Variants in ATP6V0A4 observed in about 807,000 individuals in gnomAD.
ATP6V0A4 encodes ATPase H+ transporting V0 subunit a4.
Under a neutral mutation model 107.3 loss-of-function variants are expected in ATP6V0A4, and 86 were observed. The observed-to-expected ratio is 0.80, with a 90% confidence interval of 0.67 to 0.96. ATP6V0A4 has a LOEUF of 0.96. ATP6V0A4 is among the 40% of genes least tolerant of loss of function. The probability of loss-of-function intolerance (pLI) is 0.00; values close to 1 mark genes in which losing one functional copy is unlikely to be tolerated. For synonymous variants in ATP6V0A4, 353 were observed against 381.4 expected, an observed-to-expected ratio of 0.93 and a Z score of 0.87; for missense variants, 908 against 1,045.6, an observed-to-expected ratio of 0.87 and a Z score of 1.81.
intron 14 of ATP6V0A4, among the ~76,000 whole-genome samples, chr7:138,740,662 G>A (rs879589153): frequency 1.2e-3 from 179 of 151,154 alleles, no homozygotes; most frequent in Non-Finnish European, 2.2e-3. Context: ...GGCTGGTCTC[G>A]AACTCCTGAC....
intron 1 of ATP6V0A4, among the ~76,000 whole-genome samples, chr7:138,789,968 C>CAAAAAAAAA (rs34413519): frequency 7.9e-6 from 1 of 126,746 alleles, no homozygotes; most frequent in Non-Finnish European, 1.7e-5. Flanking sequence ...GACTCTGTCT[C>CAAAAAAAAA]AAAAAAAAAA....
At position 138,768,554 on chromosome 7, in the gene ATP6V0A4, G is replaced by C. The variant is rs542357828; in HGVS notation, c.291+226C>G. On this transcript the variant is annotated intron_variant, in intron 5 of 21. Transcript: ENST00000310018. ...GTGGGCTAAGCTTCCCGAGGGCTATGCTGAGAAAGGAAAACAGCTGTCTCC... is the reference window on the plus strand; with the variant it reads ...GTGGGCTAAGCTTCCCGAGGGCTATCCTGAGAAAGGAAAACAGCTGTCTCC... 1.9e-4 allele frequency among the ~76,000 whole-genome samples: 29 copies of C among 152,318 alleles called. No individual in the cohort carries two copies. The South Asian group carries it at 6.0e-3, about 32-fold the overall frequency.
intron 20 of ATP6V0A4, among the ~76,000 whole-genome samples, chr7:138,710,301 C>A (rs932382558): frequency 6.7e-6 from 1 of 150,362 alleles, no homozygotes; most frequent in Non-Finnish European, 1.5e-5. Context: ...AAGCAATTCT[C>A]CTGCCTCAGC....
chr7:138,733,636 C>T (rs117504314), intron 16 of ATP6V0A4, among the ~76,000 whole-genome samples: 5,074 of 133,732 alleles, frequency 0.038, 231 homozygotes, highest in East Asian at 0.14. Context: ...TGGAGTGCAG[C>T]GATACAATCT....
At position 138,732,858 on chromosome 7, in the gene ATP6V0A4, A is replaced by G; in HGVS notation, c.1908+19T>C. On this transcript the variant is annotated intron_variant, in intron 17 of 21. Transcript: ENST00000310018. ...AAGTAAATAAAAGAAGAGTAAAAAA[A>G]AAAAAATAGCAGAAATACCTGATGT... The G allele has an allele frequency of 6.3e-7, 1 of 1,575,274 alleles. No homozygotes were observed. The highest frequency in any genetic ancestry group is 8.6e-7 in the Non-Finnish European group (1 of 1,159,644).
At chr7:138,759,711 G>A (rs376622135) in intron 8 of ATP6V0A4, 41 bp downstream of exon 8, 2 of 1,606,522 alleles carry the variant, frequency 1.2e-6, no homozygotes, top group Non-Finnish European at 1.7e-6. Flanking sequence ...TGAGGGCTAT[G>A]GGAAGTCTCA....
chr7:138,783,331 G>A (rs1440694845), intron 2 of ATP6V0A4, among the ~76,000 whole-genome samples: 2 of 152,030 alleles, frequency 1.3e-5, no homozygotes, highest in East Asian at 1.9e-4. Flanking sequence ...AGCACTATGG[G>A]GGACCGAGGT....
At chr7:138,707,227 T>TTC (rs1803460641) in intron 21 of ATP6V0A4, among the ~76,000 whole-genome samples, 1 of 81,794 alleles carries the variant, frequency 1.2e-5, no homozygotes, top group African/African-American at 5.7e-5. Flanking sequence ...ATAGAATATA[T>TTC]TATATAATAT....
intron 2 of ATP6V0A4, among the ~76,000 whole-genome samples, chr7:138,777,434 G>C (rs1195126788): frequency 2.0e-5 from 3 of 151,926 alleles, no homozygotes; most frequent in Non-Finnish European, 4.4e-5. Flanking sequence ...GGCCAACATG[G>C]TGAAACCCCA....
At chr7:138,710,973 A>T (rs1030723406) in intron 20 of ATP6V0A4, among the ~76,000 whole-genome samples, 1 of 152,186 alleles carries the variant, frequency 6.6e-6, no homozygotes, top group African/African-American at 2.4e-5. Context: ...CCTATAAATT[A>T]GGTTTTATGA....
rs1199810014 is a variant in ATP6V0A4 at position 138,773,238 on chromosome 7, C to A, written c.-17-1974G>T. ...CCTCTGTGTCCTCCTCCAGCTTTGGCCTCTCCAGGGACCCTGCATTTCTCC... is the reference window on the plus strand; with the variant it reads ...CCTCTGTGTCCTCCTCCAGCTTTGGACTCTCCAGGGACCCTGCATTTCTCC... On this transcript the variant is annotated intron_variant, in intron 2 of 21. Coordinates refer to ENST00000310018, the MANE Select transcript of ATP6V0A4 (RefSeq NM_020632.3). This position sits in a 1 kb window ranked among gnomAD's most constrained non-coding sequence, Gnocchi z 5.4. Among the ~76,000 whole-genome samples, 1 of 152,168 alleles carries A rather than the reference C, an allele frequency of 6.6e-6. No homozygotes were observed. The highest frequency in any genetic ancestry group is 6.5e-5 in the Admixed American group (1 of 15,270).
At chr7:138,771,447 G>T (rs938756894) in intron 2 of ATP6V0A4, 183 bp from the exon 3 acceptor site, 6 of 260,220 alleles carry the variant, frequency 2.3e-5, no homozygotes, top group Non-Finnish European at 2.4e-5. Flanking sequence ...TGTTGCCTGG[G>T]CTCGAATGCA....
rs186014386 is a variant in ATP6V0A4, at chr7:138,723,155, G to C, written c.2011-1130C>G. 2.5e-4 allele frequency among the ~76,000 whole-genome samples: 38 copies of C among 152,160 alleles called. No homozygotes were observed. In the East Asian group the frequency reaches 6.8e-3, roughly 27 times the overall value. On this transcript the variant is annotated intron_variant, in intron 18 of 21. Transcript: ENST00000310018. ...ATTCAAACTCAGTTGCCTGACTCCA[G>C]TGCATGTGCTTTTTCTCCACAATGC...
chr7:138,712,631 G>A (rs1803803088), intron 20 of ATP6V0A4, among the ~76,000 whole-genome samples: 1 of 152,138 alleles, frequency 6.6e-6, no homozygotes, highest in Non-Finnish European at 1.5e-5. Flanking sequence ...ACCTCTTTAA[G>A]CAACTGTGTT....
At chr7:138,734,053 C>T in intron 16 of ATP6V0A4, 83 bp downstream of exon 16, 2 of 1,452,624 alleles carry the variant, frequency 1.4e-6, no homozygotes, top group Middle Eastern at 1.7e-4. Flanking sequence ...CAGAGAGATG[C>T]AGTTCCCAAA....
chr7:138,772,471 T>C (rs528332096), intron 2 of ATP6V0A4, among the ~76,000 whole-genome samples: 1 of 152,238 alleles, frequency 6.6e-6, no homozygotes, highest in Admixed American at 6.5e-5. Flanking sequence ...GGCAGGGGAA[T>C]GGTGCGAGTT....
chr7:138,708,961 C>T (rs1803589107), intron 21 of ATP6V0A4, among the ~76,000 whole-genome samples: 1 of 152,134 alleles, frequency 6.6e-6, no homozygotes, highest in Non-Finnish European at 1.5e-5. Flanking sequence ...GTAATCCCAG[C>T]ACTTCAGGAG....
rs897939102 is a variant in ATP6V0A4, at chr7:138,762,417, A to C, written c.435T>G (p.Ala145=). The part of the protein sequence containing the change: ...QDFFETETNL[A]DDFFTEDTSG... ...AAGTGTCCTCAGTAAAGAAATCATC[A>C]GCTAAATTGGTTTCCGTCTGAAAGT... is the stretch of plus-strand genomic sequence containing the variant. Residue 145 remains alanine, a synonymous_variant, in exon 7 of 22, where the codon GCT becomes GCG. Coordinates refer to ENST00000310018, the MANE Select transcript of ATP6V0A4 (RefSeq NM_020632.3). The C allele has an allele frequency of 2.5e-5, 40 of 1,614,018 alleles. No individual in the cohort carries two copies. The highest frequency in any genetic ancestry group is 3.1e-5 in the Non-Finnish European group (37 of 1,180,004).
intron 2 of ATP6V0A4, among the ~76,000 whole-genome samples, chr7:138,778,180 C>G (rs1227573873): frequency 1.3e-5 from 2 of 152,102 alleles, no homozygotes; most frequent in Non-Finnish European, 2.9e-5. Flanking sequence ...TCGAGACAAG[C>G]CTGGCCAACG....
Sources: gnomAD v4.1 joint callset for allele counts (sites outside exome capture counted in the v4.1 genomes callset) on GRCh38, gnomAD v4.1.1 for gene constraint, Gnocchi (gnomAD v3.1) non-coding constraint, MANE v1.5 for transcripts, NCBI Gene and HGNC (gene_info 2026-07-23, HGNC 2026-07-21) for gene names.